EYA1: variants seen among roughly 807,000 people sequenced by gnomAD.
EYA1 encodes protein phosphatase EYA1.
Under a neutral mutation model 82.0 loss-of-function variants are expected in EYA1, and 16 were observed. The ratio of observed to expected loss-of-function variants is 0.20; its 90% CI spans 0.13 to 0.30. The LOEUF is 0.30. Among genes scored for constraint, EYA1 ranks in the 10% least tolerant of loss-of-function variants. The pLI, the probability that EYA1 is intolerant of heterozygous loss-of-function variation, is 1.00. For missense variants in EYA1, 633 were observed against 730.7 expected (o/e 0.87, Z 1.54); for synonymous variants, 261 against 264.4 (o/e 0.99, Z 0.12).
At chr8:71,512,474 A>C (rs1678896533) in intron 2 of EYA1, among the ~76,000 whole-genome samples, 2 of 152,128 alleles carry the variant, frequency 1.3e-5, no homozygotes, top group Non-Finnish European at 2.9e-5. Flanking sequence ...TCTAGGAAGA[A>C]ACAGGAGAAA....
At chr8:71,371,833 T>C (rs1344525448) in intron 2 of EYA1, among the ~76,000 whole-genome samples, 1 of 151,946 alleles carries the variant, frequency 6.6e-6, no homozygotes, top group East Asian at 1.9e-4. Context: ...AAAGGAGCCC[T>C]TGGAAATAAA....
rs542954888 is a variant in EYA1 at position 71,533,485 on chromosome 8, G to A, written c.33+2259C>T. Among the ~76,000 whole-genome samples, 3 of 152,314 alleles carry A rather than the reference G, an allele frequency of 2.0e-5. No homozygotes were observed. In the South Asian group the frequency reaches 6.2e-4, roughly 32 times the overall value. The stretch of plus-strand genomic sequence containing the variant: ...GGAATGTTCAATCATATTTGGAAGT[G>A]TGAGCACTTGGGATACTGGTCCAGG... On this transcript the variant is annotated intron_variant, in intron 2 of 18. Transcript: ENST00000643681.
At chr8:71,479,648 C>T (rs1252646030) in intron 2 of EYA1, among the ~76,000 whole-genome samples, 1 of 145,246 alleles carries the variant, frequency 6.9e-6, no homozygotes, top group East Asian at 2.1e-4. Flanking sequence ...AAAAAAGCCT[C>T]TCTGGACTGG....
At chr8:71,493,694 A>G (rs1415060500) in intron 2 of EYA1, among the ~76,000 whole-genome samples, 1 of 151,798 alleles carries the variant, frequency 6.6e-6, no homozygotes, top group African/African-American at 2.4e-5. Flanking sequence ...ATTTTTTCCA[A>G]GTGAAACTTT....
At chr8:71,447,997 G>A (rs1807024728) in intron 2 of EYA1, among the ~76,000 whole-genome samples, 1 of 99,212 alleles carries the variant, frequency 1.0e-5, no homozygotes, top group East Asian at 4.9e-4. Flanking sequence ...GGAATGCAAA[G>A]CTGTTTAAGA....
At chr8:71,227,566 A>G (rs909911979) in intron 12 of EYA1, among the ~76,000 whole-genome samples, 2 of 152,166 alleles carry the variant, frequency 1.3e-5, no homozygotes, top group Admixed American at 6.5e-5. Flanking sequence ...TCGCATACCA[A>G]TTTATTCACA....
intron 3 of EYA1, among the ~76,000 whole-genome samples, chr8:71,334,941 T>C (rs753435492): frequency 3.8e-4 from 58 of 152,232 alleles, no homozygotes; most frequent in Middle Eastern, 3.2e-3. Context: ...TCCCCTGATA[T>C]GGTGACAGTG....
At position 71,216,710 on chromosome 8, in the gene EYA1, A is replaced by G. The variant is rs373851946; in HGVS notation, c.1342T>C (p.Tyr448His). The G allele has an allele frequency of 1.2e-6, 2 of 1,614,002 alleles. No homozygotes were observed. The highest frequency in any genetic ancestry group is 2.7e-5 in the African/African-American group (2 of 74,928). ...CACTTGCCTCCAACATTATTTTTGT[A>G]GGTGTTGTAGATCTCTTTTACCCGT... Reference protein sequence around the residue: ...YRRVKEIYNTYKNNVGGLLGP... With the variant: ...YRRVKEIYNTHKNNVGGLLGP... Residue 448 changes from tyrosine to histidine, a missense_variant, in exon 14 of 18, where the codon TAC becomes CAC. By Grantham distance (83) the Tyr-to-His change is moderately conservative. Transcript: ENST00000340726.
At chr8:71,262,579 T>G (rs1815263596) in intron 11 of EYA1, among the ~76,000 whole-genome samples, 1 of 152,252 alleles carries the variant, frequency 6.6e-6, no homozygotes, top group Non-Finnish European at 1.5e-5. Flanking sequence ...GGTCCAAAGT[T>G]GCAGGTGGCA....
intron 3 of EYA1, among the ~76,000 whole-genome samples, chr8:71,344,846 T>C (rs138526963): frequency 1.6e-4 from 25 of 152,302 alleles, no homozygotes; most frequent in African/African-American, 5.8e-4. Flanking sequence ...TGTGGGAAAA[T>C]GGCTTACTTG....
At position 71,321,788 on chromosome 8, in the gene EYA1, T is replaced by C. The variant is rs1822583684; in HGVS notation, c.364A>G (p.Thr122Ala). 1.9e-6 allele frequency: 3 copies of C among 1,614,122 alleles called. No individual in the cohort carries two copies. The highest frequency in any genetic ancestry group is 1.7e-6 in the Non-Finnish European group (2 of 1,180,052). ...TQFTTGMQQA[T>A]AYATYPQPGQ... ...GGCTGTGGGTACGTGGCATAGGCTG[T>C]AGCTTGTTGCATTCCTGTGGTAAAC... The change falls in exon 6 of 18, where the codon ACA becomes GCA. Residue 122 changes from threonine to alanine, a missense_variant. By Grantham distance (58) the Thr-to-Ala change is moderately conservative (BLOSUM62 0). Transcript: ENST00000340726.
chr8:71,408,389 A>C (rs1830394572), intron 2 of EYA1, among the ~76,000 whole-genome samples: 1 of 139,514 alleles, frequency 7.2e-6, no homozygotes, highest in Non-Finnish European at 1.6e-5. Flanking sequence ...CTTTAAATGT[A>C]AATGGACTAA....
At chr8:71,492,712 T>G (rs936713267) in intron 2 of EYA1, among the ~76,000 whole-genome samples, 3 of 152,010 alleles carry the variant, frequency 2.0e-5, no homozygotes, top group South Asian at 2.1e-4. Flanking sequence ...TGATCCACCC[T>G]CCTCGACCTC....
chr8:71,317,594 T>C lies in EYA1; in HGVS notation c.514A>G (p.Thr172Ala). ...GFLSYGTSFSTPQPGQAPYSY... is the reference protein window; with the variant it reads ...GFLSYGTSFSAPQPGQAPYSY... ...TATGGTGCCTGTCCAGGTTGAGGGGTACTGAAGCTTGTGCCATAGCTGAGA... is the reference window on the plus strand; with the variant it reads ...TATGGTGCCTGTCCAGGTTGAGGGGCACTGAAGCTTGTGCCATAGCTGAGA... Residue 172 changes from threonine to alanine, a missense_variant, in exon 7 of 18, where the codon ACC becomes GCC. Physicochemically the swap from Thr to Ala is moderately conservative, Grantham distance 58. Transcript: ENST00000340726. 1 of 1,614,136 alleles carries C rather than the reference T, an allele frequency of 6.2e-7. No individual in the cohort carries two copies. Among genetic ancestry groups the C allele is most frequent in the Non-Finnish European group, 8.5e-7 (1 of 1,180,002 alleles).
chr8:71,523,328 G>A (rs552947370), intron 2 of EYA1, among the ~76,000 whole-genome samples: 6 of 151,980 alleles, frequency 3.9e-5, no homozygotes, highest in African/African-American at 1.2e-4. Context: ...ACAGGCACCC[G>A]CCACCACGCC....
chr8:71,380,900 C>T (rs1420685294), intron 2 of EYA1, among the ~76,000 whole-genome samples: 1 of 152,232 alleles, frequency 6.6e-6, no homozygotes, highest in East Asian at 1.9e-4. Context: ...TGTCCTCAAC[C>T]TCTGAGGGCC....
At chr8:71,473,798 C>T (rs1246904150) in intron 2 of EYA1, among the ~76,000 whole-genome samples, 47 of 152,142 alleles carry the variant, frequency 3.1e-4, no homozygotes, top group Admixed American at 3.1e-3. Context: ...TTGGAACCAA[C>T]CCAGATGCCC....
At chr8:71,254,243 C>CAAAAAAAAAAAAAAAAA (rs56047377) in intron 11 of EYA1, among the ~76,000 whole-genome samples, 2 of 51,458 alleles carry the variant, frequency 3.9e-5, no homozygotes, top group African/African-American at 1.6e-4. Flanking sequence ...AAGTCTTGGC[C>CAAAAAAAAAAAAAAAAA]AAAAAAAAAA....
chr8:71,256,725 C>T (rs535231114), intron 11 of EYA1, among the ~76,000 whole-genome samples: 1 of 152,258 alleles, frequency 6.6e-6, no homozygotes, highest in African/African-American at 2.4e-5. Flanking sequence ...ATTGGCCAGG[C>T]ACGGTGGCTC....
Sources: gnomAD v4.1 joint callset for allele counts (sites outside exome capture counted in the v4.1 genomes callset) on GRCh38, gnomAD v4.1.1 for gene constraint, MANE v1.5 for transcripts, NCBI Gene and HGNC (gene_info 2026-07-23, HGNC 2026-07-21) for gene names.